The following LNX1 variants were observed in gnomAD, a reference collection of about 807,000 sequenced individuals.
LNX1 encodes ligand of numb-protein X 1, also known as E3 ubiquitin-protein ligase LNX.
A neutral mutation model predicts 68.4 loss-of-function variants in LNX1; 54 were observed. The ratio of observed to expected loss-of-function variants is 0.79; its 90% CI spans 0.63 to 0.99. The LOEUF (loss-of-function observed/expected upper bound fraction) is 0.99. Ranked by LOEUF, LNX1 falls within the 50% of genes least tolerant of loss-of-function variation. The pLI is 0.00. For synonymous variants in LNX1, 336 were observed against 350.0 expected, an observed-to-expected ratio of 0.96 and a Z score of 0.45; for missense variants, 906 against 926.4, an observed-to-expected ratio of 0.98 and a Z score of 0.29.
At chr4:53,478,405 A>C (rs185980494) in intron 8 of LNX1, among the ~76,000 whole-genome samples, 160 bp downstream of exon 8, 27 of 150,044 alleles carry the variant, frequency 1.8e-4, no homozygotes, top group Admixed American at 6.6e-4. Flanking sequence ...AACCTGGTCT[A>C]GTATCTATAC....
chr4:53,595,639 G>A (rs1732714965), upstream of LNX1, among the ~76,000 whole-genome samples: 1 of 152,110 alleles, frequency 6.6e-6, no homozygotes, highest in Non-Finnish European at 1.5e-5. Flanking sequence ...CTCAAAGTTG[G>A]GCCTGTCCTA....
intron 2 of LNX1, chr4:53,558,145 TG>T (rs1322756763): frequency 1.4e-5 from 20 of 1,402,992 alleles, no homozygotes; most frequent in Non-Finnish European, 1.9e-5. Flanking sequence ...AAGAAGATTA[TG>T]CTCTCTGATT....
chr4:53,641,734 A>G (rs551807360), intron 1 of LNX1, among the ~76,000 whole-genome samples: 1 of 152,280 alleles, frequency 6.6e-6, no homozygotes, highest in Admixed American at 6.5e-5. Flanking sequence ...CTATAACTAG[A>G]CTGCTTGCAC....
chr4:53,630,943 C>T lies in LNX1; in HGVS notation c.-215+21225G>A, dbSNP rs79327109. On this transcript the variant is annotated intron_variant, in intron 1 of 2. Coordinates refer to the LNX1 transcript ENST00000507168. The stretch of plus-strand genomic sequence containing the variant: ...AGGATAGGGCATGGGAACCATCCAC[C>T]AGGGTGGATCAGGGCTTACCTGGTT... 4.3e-4 allele frequency among the ~76,000 whole-genome samples: 65 copies of T among 152,280 alleles called. No individual in the cohort carries two copies. The East Asian group carries it at 0.012, about 29-fold the overall frequency.
At chr4:53,613,604 C>A (rs1733576195) in intron 2 of LNX1, among the ~76,000 whole-genome samples, 1 of 152,126 alleles carries the variant, frequency 6.6e-6, no homozygotes. Flanking sequence ...TAATGGCCTC[C>A]AGCTCCACCC....
In LNX1 at chr4:53,537,903, T is replaced by C. The variant is rs2109645780; in HGVS notation, c.381-29676A>G. The stretch of plus-strand genomic sequence containing the variant: ...TCAGGAAACGGTGTGGGGAGGTCAG[T>C]GACCTGAGTGAGTTGCATCTGTACC... On this transcript the variant is annotated intron_variant, in intron 2 of 10. Transcript: ENST00000263925. Among the ~76,000 whole-genome samples the C allele has an allele frequency of 3.3e-5, 5 of 152,348 alleles. No individual in the cohort carries two copies. The Middle Eastern group carries it at 0.014, about 415-fold the overall frequency.
chr4:53,545,049 T>A (rs1265079753), intron 2 of LNX1, among the ~76,000 whole-genome samples: 1 of 152,178 alleles, frequency 6.6e-6, no homozygotes, highest in African/African-American at 2.4e-5. Flanking sequence ...TGCACCAGCA[T>A]CTAAGAGGGA....
chr4:53,554,110 G>A (rs1255716150), intron 2 of LNX1, among the ~76,000 whole-genome samples: 3 of 152,242 alleles, frequency 2.0e-5, no homozygotes, highest in African/African-American at 7.2e-5. Flanking sequence ...GAGACTGTTA[G>A]GGAGAGGGTC....
chr4:53,532,440 CAAAT>C (rs566912677), intron 2 of LNX1, among the ~76,000 whole-genome samples: 2 of 151,508 alleles, frequency 1.3e-5, no homozygotes, highest in Non-Finnish European at 1.5e-5. Context: ...GACTCCATCT[CAAAT>C]AAATAAATAA....
At chr4:53,553,705 A>G (rs1247627339) in intron 2 of LNX1, among the ~76,000 whole-genome samples, 1 of 152,150 alleles carries the variant, frequency 6.6e-6, no homozygotes. Flanking sequence ...TTCTTAGGGC[A>G]TGCTCTTTGT....
chr4:53,486,418 G>A (rs1372357378), intron 6 of LNX1, among the ~76,000 whole-genome samples: 2 of 152,134 alleles, frequency 1.3e-5, no homozygotes, highest in African/African-American at 2.4e-5. Context: ...AAGAGGAAGC[G>A]GTTCTGATGC....
chr4:53,485,007 C>T (rs1254780430), intron 6 of LNX1, among the ~76,000 whole-genome samples: 1 of 151,986 alleles, frequency 6.6e-6, no homozygotes, highest in Non-Finnish European at 1.5e-5. Flanking sequence ...TGTGTCTGAA[C>T]AGAACAAAAA....
chr4:53,591,295 A>C, intron 1 of LNX1, 93 bp downstream of exon 1: 1 of 747,410 alleles, frequency 1.3e-6, no homozygotes, highest in Non-Finnish European at 1.6e-6. Context: ...CAAGCCGTTC[A>C]GCTTGTATTT....
chr4:53,580,556 T>G (rs1708540419), intron 1 of LNX1, among the ~76,000 whole-genome samples: 1 of 152,212 alleles, frequency 6.6e-6, no homozygotes, highest in Admixed American at 6.5e-5. Context: ...GAGGAGACAC[T>G]GCCCTGAGGC....
chr4:53,542,266 TA>T (rs1416857113), intron 2 of LNX1, among the ~76,000 whole-genome samples: 7 of 152,216 alleles, frequency 4.6e-5, no homozygotes, highest in Non-Finnish European at 1.0e-4. Context: ...AGTTTGCATT[TA>T]AATGATCACA....
chr4:53,638,428 A>G (rs1734561062), intron 1 of LNX1, among the ~76,000 whole-genome samples: 1 of 152,184 alleles, frequency 6.6e-6, no homozygotes, highest in African/African-American at 2.4e-5. Context: ...CTCAATGCTC[A>G]TGGTGCTTTT....
At chr4:53,514,300 C>G (rs1726581676) in intron 2 of LNX1, among the ~76,000 whole-genome samples, 3 of 152,152 alleles carry the variant, frequency 2.0e-5, no homozygotes, top group Admixed American at 2.0e-4. Context: ...ACGACTTTTG[C>G]TAATGAAAGA....
chr4:53,610,299 A>G (rs986145728), intron 2 of LNX1, among the ~76,000 whole-genome samples: 4 of 152,190 alleles, frequency 2.6e-5, no homozygotes, highest in African/African-American at 9.6e-5. Flanking sequence ...ATTTAAAAAT[A>G]CTTAGAAAAT....
At chr4:53,493,018 G>A (rs1395192193) in intron 6 of LNX1, among the ~76,000 whole-genome samples, 1 of 151,992 alleles carries the variant, frequency 6.6e-6, no homozygotes, top group African/African-American at 2.4e-5. Flanking sequence ...TCTCCAGGCT[G>A]GAGTGCAGTG....
Sources: allele counts gnomAD v4.1 joint callset (sites outside exome capture counted in the v4.1 genomes callset), GRCh38; gene constraint gnomAD v4.1.1; transcripts MANE v1.5; gene names NCBI Gene and HGNC (gene_info 2026-07-23, HGNC 2026-07-21).